PKNOX2: variants seen among roughly 807,000 people sequenced by gnomAD.
The protein encoded by PKNOX2 is homeobox protein PKNOX2.
PKNOX2 carries 14 observed loss-of-function variants against 53.1 expected under a neutral mutation model. That is an observed-to-expected ratio of 0.26 (90% CI 0.17 to 0.41). The LOEUF (loss-of-function observed/expected upper bound fraction) is 0.41. Ranked by LOEUF, PKNOX2 falls within the 10% of genes least tolerant of loss-of-function variation. The probability of loss-of-function intolerance (pLI) is 1.00; values close to 1 mark genes in which losing one functional copy is unlikely to be tolerated. For missense variants in PKNOX2, 496 were observed against 602.8 expected, an observed-to-expected ratio of 0.82 and a Z score of 1.85; for synonymous variants, 257 against 242.8, an observed-to-expected ratio of 1.06 and a Z score of -0.54.
intron 1 of PKNOX2, among the ~76,000 whole-genome samples, chr11:125,189,355 T>TTATA (rs35103348): frequency 0.012 from 1,490 of 122,244 alleles, 33 homozygotes; most frequent in African/African-American, 0.043. Context: ...GAAATTCTAA[T>TTATA]TATATATATA....
chr11:125,165,343 A>G lies in PKNOX2; in HGVS notation c.-201+567A>G, dbSNP rs1343267754. Among the ~76,000 whole-genome samples the G allele has an allele frequency of 6.6e-6, 1 of 151,976 alleles. No homozygotes were observed. The highest frequency in any genetic ancestry group is 1.5e-5 in the Non-Finnish European group (1 of 67,946). ...GGCACGCCGGCCCGAGCCCGGGTGC[A>G]GAAGGCTCCCGGCCGGGCGCTCCGC... is the stretch of plus-strand genomic sequence containing the variant. On this transcript the variant is annotated intron_variant, in intron 1 of 12. Coordinates refer to ENST00000298282, the MANE Select transcript of PKNOX2 (RefSeq NM_001382323.2). This position sits in a 1 kb window ranked among gnomAD's most constrained non-coding sequence, Gnocchi z 4.5.
chr11:125,270,100 A>G (rs1202464947), intron 2 of PKNOX2, among the ~76,000 whole-genome samples: 4 of 152,162 alleles, frequency 2.6e-5, no homozygotes, highest in Non-Finnish European at 5.9e-5. Context: ...GAATCCATCT[A>G]TCAGAGCCAT....
intron 6 of PKNOX2, among the ~76,000 whole-genome samples, chr11:125,387,302 A>G (rs539699735): frequency 1.3e-4 from 20 of 152,352 alleles, no homozygotes; most frequent in African/African-American, 4.8e-4. Flanking sequence ...CATTTGACAC[A>G]AAAAGAAACT....
chr11:125,184,269 C>T (rs1591472771), intron 1 of PKNOX2: 1 of 152,360 alleles, frequency 6.6e-6, no homozygotes, highest in East Asian at 1.9e-4. Context: ...GGGGAGACTT[C>T]TGGAAGAGGT....
At chr11:125,172,198 C>T (rs931142035) in intron 1 of PKNOX2, among the ~76,000 whole-genome samples, 5 of 152,136 alleles carry the variant, frequency 3.3e-5, no homozygotes, top group Non-Finnish European at 5.9e-5. Context: ...TCCCAGGTGG[C>T]CAGAAGTGGG....
At chr11:125,184,197 G>A (rs1283837696) in intron 1 of PKNOX2, 5 of 152,388 alleles carry the variant, frequency 3.3e-5, no homozygotes, top group Admixed American at 2.0e-4. Flanking sequence ...ATTGCCAAAT[G>A]AGCGACACTA....
chr11:125,254,156 C>G (rs936913279), intron 2 of PKNOX2, among the ~76,000 whole-genome samples: 3 of 152,308 alleles, frequency 2.0e-5, no homozygotes, highest in Middle Eastern at 3.4e-3. Context: ...CTGACGTCCT[C>G]AGCAAAAATT....
intron 3 of PKNOX2, among the ~76,000 whole-genome samples, chr11:125,332,295 GTGGGGGGTTCCTTAAAAA>G (rs1950188452): frequency 6.6e-6 from 1 of 151,952 alleles, no homozygotes; most frequent in Admixed American, 6.5e-5. Flanking sequence ...GCGGGGTGGG[GTGGGGGGTTCCTTAAAAA>G]TGCAGTTCCA....
chr11:125,263,646 G>A (rs949407096), intron 2 of PKNOX2, among the ~76,000 whole-genome samples: 2 of 152,246 alleles, frequency 1.3e-5, no homozygotes, highest in South Asian at 2.1e-4. Context: ...GAGAGCTGCC[G>A]AGGGCCAGAC....
At chr11:125,200,277 G>A (rs1938288900) in intron 1 of PKNOX2, among the ~76,000 whole-genome samples, 2 of 152,206 alleles carry the variant, frequency 1.3e-5, no homozygotes, top group Non-Finnish European at 2.9e-5. Context: ...AAGGGTTAGA[G>A]GCAGGGGAGG....
At chr11:125,313,022 C>T (rs1396459236) in intron 2 of PKNOX2, among the ~76,000 whole-genome samples, 1 of 152,096 alleles carries the variant, frequency 6.6e-6, no homozygotes, top group Non-Finnish European at 1.5e-5. Flanking sequence ...CACTGGAGGC[C>T]CGTGTCATGC....
At chr11:125,393,614 G>C (rs189160278) in intron 6 of PKNOX2, among the ~76,000 whole-genome samples, 1 of 152,088 alleles carries the variant, frequency 6.6e-6, no homozygotes, top group East Asian at 1.9e-4. Flanking sequence ...GTCAGAAAAC[G>C]TAAGGGACCT....
chr11:125,315,533 C>T (rs1183986688), intron 2 of PKNOX2, among the ~76,000 whole-genome samples: 1 of 152,148 alleles, frequency 6.6e-6, no homozygotes, highest in African/African-American at 2.4e-5. Flanking sequence ...GTTTTGTTTT[C>T]TCCCTGGCCT....
At chr11:125,236,338 G>A (rs1041194495) in intron 2 of PKNOX2, among the ~76,000 whole-genome samples, 1 of 140,976 alleles carries the variant, frequency 7.1e-6, no homozygotes, top group African/African-American at 2.6e-5. Flanking sequence ...TTGGGGGAAG[G>A]GTACCTCCCT....
At chr11:125,419,465 A>C (rs1359357151) in intron 10 of PKNOX2, among the ~76,000 whole-genome samples, 7 of 151,534 alleles carry the variant, frequency 4.6e-5, no homozygotes, top group African/African-American at 1.5e-4. Flanking sequence ...AAAAAAAAAA[A>C]ACAAGAAAAT....
At chr11:125,357,933 A>G (rs2136230929) in intron 4 of PKNOX2, among the ~76,000 whole-genome samples, 1 of 152,310 alleles carries the variant, frequency 6.6e-6, no homozygotes, top group African/African-American at 2.4e-5. Flanking sequence ...GGCCATGCGG[A>G]CATTGTGCTG....
At chr11:125,351,444 C>T (rs1051474595) in intron 4 of PKNOX2, 52 bp downstream of exon 4, 1 of 1,167,646 alleles carries the variant, frequency 8.6e-7, no homozygotes, top group Non-Finnish European at 1.3e-6. Context: ...AGTGTGGTGG[C>T]CTTAGAGCCC....
intron 4 of PKNOX2, among the ~76,000 whole-genome samples, chr11:125,362,889 GC>G (rs1264174968): frequency 6.6e-6 from 1 of 152,106 alleles, no homozygotes; most frequent in Non-Finnish European, 1.5e-5. Flanking sequence ...GGATCTCTCA[GC>G]CCCACCCAGA....
rs138811820 is a variant in PKNOX2, at chr11:125,406,712, C to G, written c.589-3484C>G. Reference sequence around the variant, plus strand: ...CTCTGGGAAGTCACTTCCATCCTCTCTGGACCTCAATCTCTCTTCAGGCAA... The same window carrying G: ...CTCTGGGAAGTCACTTCCATCCTCTGTGGACCTCAATCTCTCTTCAGGCAA... On this transcript the variant is annotated intron_variant, in intron 7 of 12. Transcript: ENST00000298282. Among the ~76,000 whole-genome samples, 425 of 152,128 alleles carry G rather than the reference C, an allele frequency of 2.8e-3. 1 individual carries two copies. The highest frequency in any genetic ancestry group is 0.01 in the African/African-American group (415 of 41,498).
Sources: allele counts gnomAD v4.1 joint callset (sites outside exome capture counted in the v4.1 genomes callset), GRCh38; gene constraint gnomAD v4.1.1; non-coding constraint Gnocchi (gnomAD v3.1); transcripts MANE v1.5; gene names NCBI Gene and HGNC (gene_info 2026-07-23, HGNC 2026-07-21).